ELAVL4: variants seen among roughly 807,000 people sequenced by gnomAD.
The protein encoded by ELAVL4 is ELAV-like protein 4.
Under a neutral mutation model 35.6 loss-of-function variants are expected in ELAVL4, and 1 was observed. The observed-to-expected ratio is 0.03, with a 90% CI of 0.01 to 0.13. ELAVL4 has a LOEUF of 0.13. Among genes scored for constraint, ELAVL4 ranks in the 10% least tolerant of loss-of-function variants. ELAVL4 has a pLI of 1.00. For missense variants in ELAVL4, 267 were observed against 464.9 expected, an observed-to-expected ratio of 0.57 and a Z score of 3.91; for synonymous variants, 156 against 171.0, an observed-to-expected ratio of 0.91 and a Z score of 0.69.
chr1:50,157,537 CTG>C (rs1675977302), intron 2 of ELAVL4, among the ~76,000 whole-genome samples: 1 of 152,214 alleles, frequency 6.6e-6, no homozygotes. Context: ...CAGTGTCTAA[CTG>C]TTATTAATGC....
intron 3 of ELAVL4, among the ~76,000 whole-genome samples, chr1:50,183,375 G>C (rs532967002): frequency 3.7e-4 from 56 of 152,302 alleles, no homozygotes; most frequent in African/African-American, 1.3e-3. Context: ...ATGAGAGTTA[G>C]CACTCAGGCA....
rs369553332 is a variant in ELAVL4 at position 50,168,946 on chromosome 1, G to GTATATATA, written c.251-8132_251-8125dup. ...GAGGGATAGAACTGATAGGAGATAT[G>GTATATATA]TATATATATATATATATACACACAC... On this transcript the variant is annotated intron_variant, in intron 2 of 6. Transcript: ENST00000371824. Among the ~76,000 whole-genome samples, 32 of 139,688 alleles carry GTATATATA rather than the reference G, an allele frequency of 2.3e-4. No homozygotes were observed. In the East Asian group the frequency reaches 4.9e-3, roughly 22 times the overall value. 91.6% of individuals were successfully genotyped at this position (139,688 alleles called of 152,430 possible).
chr1:50,131,836 G>A (rs1265420833), intron 1 of ELAVL4, among the ~76,000 whole-genome samples: 1 of 150,610 alleles, frequency 6.6e-6, no homozygotes, highest in African/African-American at 2.4e-5. Flanking sequence ...TGAAATTAAG[G>A]GAAACTAAGA....
intron 2 of ELAVL4, among the ~76,000 whole-genome samples, chr1:50,161,728 C>T (rs747757637): frequency 6.6e-6 from 1 of 152,076 alleles, no homozygotes; most frequent in Non-Finnish European, 1.5e-5. Flanking sequence ...GTTGGCCTTT[C>T]TTTTGTTTGT....
At chr1:50,189,466 C>T (rs554344034) in intron 3 of ELAVL4, among the ~76,000 whole-genome samples, 6 of 152,286 alleles carry the variant, frequency 3.9e-5, no homozygotes, top group South Asian at 4.1e-4. Flanking sequence ...AGTACTTTGT[C>T]GGCATAAAGC....
chr1:50,052,884 C>T (rs1368386707), intron 1 of ELAVL4, among the ~76,000 whole-genome samples: 4 of 152,114 alleles, frequency 2.6e-5, no homozygotes, highest in African/African-American at 9.7e-5. Context: ...TCCCAAAAAC[C>T]CTATGTGTGT....
chr1:50,171,713 T>C (rs1473293103), intron 2 of ELAVL4, among the ~76,000 whole-genome samples: 1 of 152,208 alleles, frequency 6.6e-6, no homozygotes, highest in African/African-American at 2.4e-5. Context: ...GCAAGTAGTT[T>C]TGAACCACAC....
At chr1:50,086,314 G>A (rs557486411) in intron 1 of ELAVL4, among the ~76,000 whole-genome samples, 31 of 151,892 alleles carry the variant, frequency 2.0e-4, no homozygotes, top group African/African-American at 6.0e-4. Context: ...ATAAAGGAAT[G>A]TTGAAATTGT....
chr1:50,103,652 G>A (rs1180884063), upstream of ELAVL4, among the ~76,000 whole-genome samples: 1 of 152,186 alleles, frequency 6.6e-6, no homozygotes, highest in African/African-American at 2.4e-5. Flanking sequence ...CATAGTCACT[G>A]ATGACGCTAT....
At chr1:50,093,831 G>C (rs1250490709) in intron 1 of ELAVL4, among the ~76,000 whole-genome samples, 1 of 152,104 alleles carries the variant, frequency 6.6e-6, no homozygotes, top group Admixed American at 6.6e-5. Flanking sequence ...TAGCTTTCTC[G>C]TGGTTATAAG....
At chr1:50,069,445 A>C (rs1339383589) in intron 1 of ELAVL4, among the ~76,000 whole-genome samples, 1 of 152,194 alleles carries the variant, frequency 6.6e-6, no homozygotes, top group East Asian at 1.9e-4. Context: ...TCCATTGTCC[A>C]ACACTAGACA....
chr1:50,074,876 C>G (rs1664691929), intron 1 of ELAVL4, among the ~76,000 whole-genome samples: 1 of 151,816 alleles, frequency 6.6e-6, no homozygotes, highest in African/African-American at 2.4e-5. Context: ...GTGTGCTAGG[C>G]ACTGGGGATG....
chr1:50,085,531 C>G (rs1248273865), intron 1 of ELAVL4, among the ~76,000 whole-genome samples: 1 of 152,160 alleles, frequency 6.6e-6, no homozygotes, highest in African/African-American at 2.4e-5. Flanking sequence ...TTTGCTAGGC[C>G]TAGAGGTAGC....
Position 50,193,786 on chromosome 1 carries a change from T to G in ELAVL4, c.376T>G (p.Ser126Ala). ...CTAGGTCTCATATGCCCGTCCGAGCTCTGCCTCAATCAGGGATGCTAACCT... is the reference window on the plus strand; with the variant it reads ...CTAGGTCTCATATGCCCGTCCGAGCGCTGCCTCAATCAGGGATGCTAACCT... Reference protein sequence around the residue: ...TIKVSYARPSSASIRDANLYV... With the variant: ...TIKVSYARPSAASIRDANLYV... The change falls in exon 4 of 7, where the codon TCT becomes GCT. Residue 126 changes from serine (S) to alanine (A), a missense_variant. Ser to Ala is a moderately conservative substitution (Grantham distance 99, BLOSUM62 1). Around this residue, in one of 2 missense-constraint regions of ELAVL4, gnomAD observed 216 missense variants for 409.5 expected, o/e 0.53. Coordinates refer to ENST00000371824, the MANE Select transcript of ELAVL4 (RefSeq NM_001144774.3). The G allele has an allele frequency of 1.9e-6, 3 of 1,613,966 alleles. No homozygotes were observed. Among genetic ancestry groups the G allele is most frequent in the Non-Finnish European group, 2.5e-6 (3 of 1,179,926 alleles).
intron 1 of ELAVL4, among the ~76,000 whole-genome samples, chr1:50,073,125 C>A (rs1286413202): frequency 6.6e-6 from 1 of 152,182 alleles, no homozygotes; most frequent in Non-Finnish European, 1.5e-5. Flanking sequence ...TTCTACTCAG[C>A]CTTTGCACAG....
At chr1:50,195,993 T>G (rs1644035057) in intron 5 of ELAVL4, among the ~76,000 whole-genome samples, 1 of 152,208 alleles carries the variant, frequency 6.6e-6, no homozygotes, top group East Asian at 1.9e-4. Flanking sequence ...TCTTCCAATT[T>G]ACTACTGTGA....
intron 2 of ELAVL4, among the ~76,000 whole-genome samples, chr1:50,159,360 C>A (rs562854469): frequency 1.3e-5 from 2 of 152,248 alleles, no homozygotes; most frequent in African/African-American, 4.8e-5. Flanking sequence ...ATAATCCTGG[C>A]ACTGTGGGAG....
intron 6 of ELAVL4, among the ~76,000 whole-genome samples, chr1:50,199,771 T>C (rs1644292100): frequency 6.6e-6 from 1 of 152,078 alleles, no homozygotes; most frequent in South Asian, 2.1e-4. Context: ...AAGTTTGATA[T>C]GAAACAAAAC....
chr1:50,116,011 A>C (rs1238957540), intron 1 of ELAVL4, among the ~76,000 whole-genome samples: 1 of 152,134 alleles, frequency 6.6e-6, no homozygotes, highest in African/African-American at 2.4e-5. Flanking sequence ...ACATTCAAGT[A>C]CATAAATGTC....
Sources: gnomAD v4.1 joint callset for allele counts (sites outside exome capture counted in the v4.1 genomes callset) on GRCh38, gnomAD v4.1.1 for gene constraint, gnomAD v4.1.1 regional missense constraint, MANE v1.5 for transcripts, NCBI Gene and HGNC (gene_info 2026-07-23, HGNC 2026-07-21) for gene names.